The following BMPR2 variants were observed in gnomAD, a reference collection of about 807,000 sequenced individuals.
The protein encoded by BMPR2 is bone morphogenetic protein receptor type 2.
In BMPR2, 29 loss-of-function variants were observed where a neutral mutation model predicts 100.8. The observed-to-expected ratio is 0.29, with a 90% CI of 0.21 to 0.39. The LOEUF (loss-of-function observed/expected upper bound fraction) is 0.39. Ranked by LOEUF, BMPR2 falls within the 10% of genes least tolerant of loss-of-function variation. The pLI is 1.00. For missense variants in BMPR2, 1,011 were observed against 1,274.5 expected (o/e 0.79, Z 3.15); for synonymous variants, 382 against 442.3 (o/e 0.86, Z 1.71).
intron 3 of BMPR2, among the ~76,000 whole-genome samples, chr2:202,471,768 G>GAA (rs1244778494): frequency 6.6e-6 from 1 of 152,160 alleles, no homozygotes; most frequent in African/African-American, 2.4e-5. Flanking sequence ...GATGATTAGA[G>GAA]AAAAATGTTG....
intron 1 of BMPR2, among the ~76,000 whole-genome samples, chr2:202,433,886 G>A (rs1691556808): frequency 6.7e-6 from 1 of 150,122 alleles, no homozygotes; most frequent in African/African-American, 2.5e-5. Flanking sequence ...CCAGCCTGGC[G>A]ACAGAGCGAG....
intron 9 of BMPR2, among the ~76,000 whole-genome samples, chr2:202,535,180 G>A (rs1297968992): frequency 1.3e-5 from 2 of 150,378 alleles, no homozygotes; most frequent in African/African-American, 4.9e-5. Flanking sequence ...CCTGGCGGGG[G>A]GCTGACCCCC....
intron 1 of BMPR2, among the ~76,000 whole-genome samples, chr2:202,456,521 T>C (rs1012316474): frequency 8.7e-5 from 13 of 150,246 alleles, no homozygotes; most frequent in African/African-American, 2.9e-4. Flanking sequence ...TTCTTTCTTT[T>C]TTTTTTTTTT....
At chr2:202,558,910 A>AT in intron 12 of BMPR2, among the ~76,000 whole-genome samples, 1 of 151,704 alleles carries the variant, frequency 6.6e-6, no homozygotes, top group Admixed American at 6.6e-5. Flanking sequence ...AAAAAAAAAA[A>AT]ATCTTGTCAG....
At chr2:202,470,970 G>A (rs1352269631) in intron 3 of BMPR2, among the ~76,000 whole-genome samples, 1 of 152,046 alleles carries the variant, frequency 6.6e-6, no homozygotes, top group Non-Finnish European at 1.5e-5. Flanking sequence ...GAGGTGGGAG[G>A]ATCACTTGAA....
chr2:202,438,881 C>T (rs1235180652), intron 1 of BMPR2, among the ~76,000 whole-genome samples: 1 of 150,516 alleles, frequency 6.6e-6, no homozygotes, highest in Non-Finnish European at 1.5e-5. Flanking sequence ...CTTTGTATTA[C>T]GTTTTGAAAT....
intron 12 of BMPR2, among the ~76,000 whole-genome samples, chr2:202,557,534 G>T (rs1350342657): frequency 2.0e-5 from 3 of 150,622 alleles, no homozygotes; most frequent in Non-Finnish European, 2.9e-5. Context: ...GGGTGTGGTG[G>T]TGCCCACCTG....
intron 1 of BMPR2, among the ~76,000 whole-genome samples, chr2:202,440,027 C>G (rs12474015): frequency 0.48 from 72,545 of 149,738 alleles, 18,967 homozygotes; most frequent in African/African-American, 0.55. Flanking sequence ...CAGAGAGCAG[C>G]GGGTTGGGGG....
At chr2:202,443,590 G>A (rs758466032) in intron 1 of BMPR2, among the ~76,000 whole-genome samples, 40 of 147,508 alleles carry the variant, frequency 2.7e-4, no homozygotes, top group Non-Finnish European at 2.1e-4. Context: ...TCAAGACGGA[G>A]TCTTGGTCTG....
At chr2:202,521,204 A>G (rs529884622) in intron 7 of BMPR2, among the ~76,000 whole-genome samples, 61 of 152,330 alleles carry the variant, frequency 4.0e-4, no homozygotes, top group African/African-American at 1.3e-3. Context: ...TAATTTGTCT[A>G]TGATGTACTT....
At chr2:202,444,187 A>C (rs1691804532) in intron 1 of BMPR2, among the ~76,000 whole-genome samples, 1 of 150,718 alleles carries the variant, frequency 6.6e-6, no homozygotes, top group Admixed American at 6.6e-5. Context: ...CATTTACAAT[A>C]TTTAACCTTG....
At chr2:202,517,256 A>G (rs1687728885) in intron 5 of BMPR2, among the ~76,000 whole-genome samples, 1 of 150,068 alleles carries the variant, frequency 6.7e-6, no homozygotes, top group African/African-American at 2.4e-5. Context: ...TTGTTGTTTT[A>G]GTAAGCAATA....
At chr2:202,514,237 C>T (rs958294175) in intron 4 of BMPR2, among the ~76,000 whole-genome samples, 4 of 152,100 alleles carry the variant, frequency 2.6e-5, no homozygotes, top group African/African-American at 7.2e-5. Context: ...CCAGGGTTCA[C>T]GCCATTCTCC....
chr2:202,513,624 T>A, intron 3 of BMPR2, 95 bp from the exon 4 acceptor site: 1 of 818,960 alleles, frequency 1.2e-6, no homozygotes, highest in African/African-American at 1.7e-5. Flanking sequence ...AATTTGATTA[T>A]ACATGGGTAC....
intron 12 of BMPR2, among the ~76,000 whole-genome samples, chr2:202,559,467 T>C (rs1688644624): frequency 6.6e-6 from 1 of 152,202 alleles, no homozygotes; most frequent in Admixed American, 6.5e-5. Context: ...GTGTTTTCCC[T>C]TGCCTTATAA....
Position 202,564,173 on chromosome 2 carries a change from A to G in BMPR2, c.*4227A>G, listed in dbSNP as rs1186592049. On this transcript the variant is annotated 3_prime_UTR_variant, in exon 13 of 13. Coordinates refer to ENST00000374580, the MANE Select transcript of BMPR2 (RefSeq NM_001204.7). ...CCTGAAAGTCATTTAAAATGGAAAA[A>G]TATTTCAATGAGCTTTTCCTTTTTT... The G allele has an allele frequency of 6.6e-6, 1 of 152,216 alleles. No individual in the cohort carries two copies. The highest frequency in any genetic ancestry group is 1.5e-5 in the Non-Finnish European group (1 of 68,034). The allele number at this position is 152,216 out of a possible 1,614,324, so 9.4% of individuals were successfully genotyped here. A position where few individuals can be genotyped will look rare whatever the true frequency, so the allele number is the denominator to read the frequency against.
rs778496865 is a variant in BMPR2, at chr2:202,377,443, C to T, written c.-32C>T. 6 of 1,611,718 alleles carry T rather than the reference C, an allele frequency of 3.7e-6. No homozygotes were observed. Among genetic ancestry groups the T allele is most frequent in the African/African-American group, 1.3e-5 (1 of 75,014 alleles). On this transcript the variant is annotated 5_prime_UTR_variant, in exon 1 of 13. Coordinates refer to ENST00000374580, the MANE Select transcript of BMPR2 (RefSeq NM_001204.7). The stretch of plus-strand genomic sequence containing the variant: ...CCGGTCTACTTCCCATATTTCTTTT[C>T]TTTGCCCTCCTGATTCTTGGCTGGC...
At chr2:202,498,504 G>T (rs1179425294) in intron 3 of BMPR2, among the ~76,000 whole-genome samples, 1 of 150,686 alleles carries the variant, frequency 6.6e-6, no homozygotes, top group Non-Finnish European at 1.5e-5. Context: ...TTCTTGGGCA[G>T]GGGTTGTTTC....
In BMPR2 at chr2:202,408,988, A is replaced by G. The variant is rs1574432764; in HGVS notation, c.76+31438A>G. 2.6e-5 allele frequency among the ~76,000 whole-genome samples: 4 copies of G among 152,298 alleles called. No individual in the cohort carries two copies. The East Asian group carries it at 7.7e-4, about 29-fold the overall frequency. ...TGTTTCCTTGTCAAGGAGATACTGC[A>G]TTTTCTTCCTAGTCCCATAATTAGC... On this transcript the variant is annotated intron_variant, in intron 1 of 12. Coordinates refer to ENST00000374580, the MANE Select transcript of BMPR2 (RefSeq NM_001204.7).
Sources: allele counts gnomAD v4.1 joint callset (sites outside exome capture counted in the v4.1 genomes callset), GRCh38; gene constraint gnomAD v4.1.1; transcripts MANE v1.5; gene names NCBI Gene and HGNC (gene_info 2026-07-23, HGNC 2026-07-21).